LARGE1: variants seen among roughly 807,000 people sequenced by gnomAD.
LARGE1 encodes the protein LARGE xylosyl- and glucuronyltransferase 1.
A neutral mutation model predicts 87.6 loss-of-function variants in LARGE1; 43 were observed. That is an observed-to-expected ratio of 0.49 (90% CI 0.38 to 0.63). The LOEUF is 0.63. Among genes scored for constraint, LARGE1 ranks in the 30% least tolerant of loss-of-function variants. The probability of loss-of-function intolerance (pLI) is 0.00; values close to 1 mark genes in which losing one functional copy is unlikely to be tolerated. For synonymous variants in LARGE1, 434 were observed against 394.6 expected (o/e 1.10, Z -1.18); for missense variants, 802 against 1,000.2 (o/e 0.80, Z 2.67).
intron 3 of LARGE1, among the ~76,000 whole-genome samples, chr22:33,639,324 A>G (rs1459905785): frequency 6.6e-6 from 1 of 152,102 alleles, no homozygotes; most frequent in Non-Finnish European, 1.5e-5. Flanking sequence ...TGTATGAGGG[A>G]CCCCATACCA....
Position 33,344,653 on chromosome 22 carries a change from A to G in LARGE1, c.1132-6852T>C, listed in dbSNP as rs1483419471. On this transcript the variant is annotated intron_variant, in intron 9 of 14. Coordinates refer to ENST00000397394, the MANE Select transcript of LARGE1 (RefSeq NM_133642.5). ...ATCTGTGTTGCTGATATATATATAT[A>G]TTTTTATCAGTGCTTGTCTGACTAC... Among the ~76,000 whole-genome samples, 3 of 152,136 alleles carry G rather than the reference A, an allele frequency of 2.0e-5. No individual in the cohort carries two copies. In the South Asian group the frequency reaches 6.2e-4, roughly 32 times the overall value.
chr22:33,530,359 T>C (rs2072135312), intron 6 of LARGE1, among the ~76,000 whole-genome samples: 1 of 152,014 alleles, frequency 6.6e-6, no homozygotes, highest in Non-Finnish European at 1.5e-5. Context: ...CTCTCCTAAC[T>C]GAGATTATAT....
At chr22:33,655,867 G>A (rs2080944646) in intron 2 of LARGE1, among the ~76,000 whole-genome samples, 1 of 152,140 alleles carries the variant, frequency 6.6e-6, no homozygotes, top group Admixed American at 6.5e-5. Context: ...TAGATGCTGG[G>A]GAAGAGGGAG....
chr22:33,509,604 C>T, intron 6 of LARGE1, among the ~76,000 whole-genome samples: 1 of 151,902 alleles, frequency 6.6e-6, no homozygotes, highest in East Asian at 1.9e-4. Flanking sequence ...GTGCATGCCA[C>T]CATACCCAGC....
intron 6 of LARGE1, among the ~76,000 whole-genome samples, chr22:33,447,644 G>A (rs771828833): frequency 3.3e-5 from 5 of 152,184 alleles, no homozygotes; most frequent in Non-Finnish European, 5.9e-5. Flanking sequence ...CCAAAGAGGC[G>A]GTGAAGGTGA....
At chr22:33,353,183 G>C (rs779806788) in intron 9 of LARGE1, among the ~76,000 whole-genome samples, 3 of 152,210 alleles carry the variant, frequency 2.0e-5, no homozygotes, top group Admixed American at 6.5e-5. Flanking sequence ...AAAGATGTGT[G>C]ATTAGCAAGA....
At chr22:33,643,581 T>C (rs60145058) in intron 3 of LARGE1, among the ~76,000 whole-genome samples, 2,207 of 151,990 alleles carry the variant, frequency 0.015, 56 homozygotes, top group African/African-American at 0.05. Context: ...ATGAAGGAGA[T>C]AGAGACACAA....
chr22:33,502,466 G>A (rs1404573700), intron 6 of LARGE1, among the ~76,000 whole-genome samples: 2 of 152,162 alleles, frequency 1.3e-5, no homozygotes, highest in African/African-American at 2.4e-5. Flanking sequence ...TGCAGGGAGC[G>A]GTGAAGTTCA....
At chr22:33,468,597 A>G (rs1053555400) in intron 6 of LARGE1, among the ~76,000 whole-genome samples, 17 of 152,234 alleles carry the variant, frequency 1.1e-4, no homozygotes, top group African/African-American at 3.9e-4. Context: ...CATTTATTGA[A>G]TATTTCCTAG....
At chr22:33,434,299 AG>A (rs1318279891) in intron 6 of LARGE1, among the ~76,000 whole-genome samples, 4 of 152,102 alleles carry the variant, frequency 2.6e-5, no homozygotes, top group African/African-American at 9.7e-5. Context: ...GGGTATCCCA[AG>A]GGTCTTTTGT....
At chr22:33,892,627 T>C (rs1189272079) in intron 1 of LARGE1, among the ~76,000 whole-genome samples, 1 of 152,108 alleles carries the variant, frequency 6.6e-6, no homozygotes, top group Non-Finnish European at 1.5e-5. Context: ...AATGAACAAA[T>C]GAATGAATGA....
intron 2 of LARGE1, among the ~76,000 whole-genome samples, chr22:33,741,172 A>ATAAAC (rs2083866696): frequency 6.6e-6 from 1 of 152,260 alleles, no homozygotes; most frequent in Non-Finnish European, 1.5e-5. Flanking sequence ...CACGTGTGGA[A>ATAAAC]TAAACGCTGC....
At chr22:33,215,107 A>G (rs1925143527) in intron 11 of LARGE1, among the ~76,000 whole-genome samples, 1 of 152,190 alleles carries the variant, frequency 6.6e-6, no homozygotes, top group South Asian at 2.1e-4. Flanking sequence ...TCTTCTAGCA[A>G]TACTAAACTC....
intron 6 of LARGE1, among the ~76,000 whole-genome samples, chr22:33,522,715 T>C (rs897103627): frequency 6.6e-6 from 1 of 151,528 alleles, no homozygotes; most frequent in African/African-American, 2.4e-5. Flanking sequence ...CCTGCAATCC[T>C]AGCTACTTGG....
intron 11 of LARGE1, among the ~76,000 whole-genome samples, chr22:33,213,231 A>C (rs528551842): frequency 6.6e-6 from 1 of 152,312 alleles, no homozygotes; most frequent in Admixed American, 6.5e-5. Flanking sequence ...CTCATAATAA[A>C]GCTTGAATGG....
Position 33,413,211 on chromosome 22 carries a change from G to A in LARGE1, c.892+18950C>T, listed in dbSNP as rs561217604. Among the ~76,000 whole-genome samples, 5 of 152,120 alleles carry A rather than the reference G, an allele frequency of 3.3e-5. No individual in the cohort carries two copies. The South Asian group carries it at 1.0e-3, about 32-fold the overall frequency. On this transcript the variant is annotated intron_variant, in intron 7 of 14. Transcript: ENST00000397394. ...AATCTCACAGATTCACTAGTAACTG[G>A]CAATGTCTATAGTGGAGTTTTAAAG...
intron 9 of LARGE1, among the ~76,000 whole-genome samples, chr22:33,377,765 CTG>C (rs1397870595): frequency 6.6e-6 from 1 of 152,098 alleles, no homozygotes; most frequent in Non-Finnish European, 1.5e-5. Context: ...TCTTTTCATT[CTG>C]TGTTGCATCT....
intron 9 of LARGE1, among the ~76,000 whole-genome samples, chr22:33,353,249 G>A (rs958175148): frequency 1.3e-5 from 2 of 152,178 alleles, no homozygotes; most frequent in African/African-American, 4.8e-5. Flanking sequence ...ATTTCTGGAT[G>A]ATGTTTAAAG....
Position 33,436,160 on chromosome 22 carries a change from C to T in LARGE1, c.788-3895G>A, listed in dbSNP as rs180796550. 8.7e-4 allele frequency among the ~76,000 whole-genome samples: 132 copies of T among 152,250 alleles called. 2 individuals are homozygous for T. The highest frequency in any genetic ancestry group is 4.1e-3 in the Admixed American group (63 of 15,284). Reference sequence around the variant, plus strand: ...GCCCTGCCACCTTCTAGCTGCGTAGCCGTGAAAAAAATTGCTTAACCTATC... The same window carrying T: ...GCCCTGCCACCTTCTAGCTGCGTAGTCGTGAAAAAAATTGCTTAACCTATC... On this transcript the variant is annotated intron_variant, in intron 6 of 14. Coordinates refer to ENST00000397394, the MANE Select transcript of LARGE1 (RefSeq NM_133642.5).
Sources: gnomAD v4.1 joint callset for allele counts (sites outside exome capture counted in the v4.1 genomes callset) on GRCh38, gnomAD v4.1.1 for gene constraint, MANE v1.5 for transcripts, NCBI Gene and HGNC (gene_info 2026-07-23, HGNC 2026-07-21) for gene names.